The following RGPD8 variants were observed in gnomAD, a reference collection of about 807,000 sequenced individuals.
The protein encoded by RGPD8 is RANBP2-like and GRIP domain-containing protein 8.
RGPD8 carries 15 observed loss-of-function variants against 89.1 expected under a neutral mutation model. That is an observed-to-expected ratio of 0.17 (90% confidence interval 0.11 to 0.26). The LOEUF (loss-of-function observed/expected upper bound fraction) is 0.26. Among genes scored for constraint, RGPD8 ranks in the 10% least tolerant of loss-of-function variants. The pLI is 1.00. For missense variants in RGPD8, 178 were observed against 1,179.6 expected (o/e 0.15, Z 12.44); for synonymous variants, 62 against 420.9 (o/e 0.15, Z 10.44).
chr2:112,382,259 T>C (rs1222593011), intron 20 of RGPD8, among the ~76,000 whole-genome samples: 1 of 152,164 alleles, frequency 6.6e-6, no homozygotes, highest in South Asian at 2.1e-4. Flanking sequence ...CATCCATCCA[T>C]CCCATCCATC....
rs543314007 is a variant in RGPD8, at chr2:112,387,343, T to G, written c.4921+681A>C. The stretch of plus-strand genomic sequence containing the variant: ...AAAATGAGAACATCTCAATATCATG[T>G]TTTTTTTTGTTTTTTGTTTTTTGTT... On this transcript the variant is annotated intron_variant, in intron 20 of 22. Transcript: ENST00000302558. 2.5e-3 allele frequency among the ~76,000 whole-genome samples: 281 copies of G among 111,510 alleles called. 7 individuals are homozygous for G. The East Asian group carries it at 0.043, about 17-fold the overall frequency. 73.2% of individuals were successfully genotyped at this position (111,510 alleles called of 152,430 possible). A position where few individuals can be genotyped will look rare whatever the true frequency, so the allele number is the denominator to read the frequency against.
chr2:112,390,464 A>G (rs1678654124), intron 19 of RGPD8, among the ~76,000 whole-genome samples: 2 of 141,914 alleles, frequency 1.4e-5, no homozygotes, highest in South Asian at 4.7e-4. Context: ...CAAAAACCCT[A>G]TGAATTAAGG....
chr2:112,427,689 C>T (rs1368984678), intron 1 of RGPD8, among the ~76,000 whole-genome samples: 1 of 152,192 alleles, frequency 6.6e-6, no homozygotes, highest in African/African-American at 2.4e-5. Flanking sequence ...CTCACCCTGT[C>T]GCCCATCTTG....
intron 1 of RGPD8, among the ~76,000 whole-genome samples, chr2:112,430,408 G>A (rs1219811385): frequency 6.6e-6 from 1 of 151,948 alleles, no homozygotes; most frequent in Non-Finnish European, 1.5e-5. Flanking sequence ...TCCATATTCC[G>A]CTGAAATCCC....
chr2:112,411,498 G>A (rs1574011233), intron 7 of RGPD8, among the ~76,000 whole-genome samples: 1 of 62,844 alleles, frequency 1.6e-5, no homozygotes, highest in Non-Finnish European at 3.1e-5. Flanking sequence ...GTGAACTCGG[G>A]AGGTGGAGCT....
chr2:112,422,121 A>G lies in RGPD8; in HGVS notation c.253-9T>C, dbSNP rs1274338246. 2.9e-4 allele frequency: 19 copies of G among 65,990 alleles called. No individual in the cohort carries two copies. The South Asian group carries it at 3.8e-3, about 13-fold the overall frequency. The allele number at this position is 65,990 out of a possible 1,614,324, so 4.1% of individuals were successfully genotyped here. On this transcript the variant is annotated splice_polypyrimidine_tract_variant and intron_variant, in intron 3 of 22. Transcript: ENST00000302558. Reference sequence around the variant, plus strand: ...TTTAATTCCACTGAACGCTAATATCAGAAAAGAAATTAAAGATTAGTAAAT... The same window carrying G: ...TTTAATTCCACTGAACGCTAATATCGGAAAAGAAATTAAAGATTAGTAAAT...
chr2:112,425,980 A>G (rs1679753216), intron 1 of RGPD8, among the ~76,000 whole-genome samples: 1 of 152,012 alleles, frequency 6.6e-6, no homozygotes, highest in Admixed American at 6.6e-5. Context: ...AGCACTTATC[A>G]CACACTGTGG....
chr2:112,431,723 G>A (rs1167123553), intron 1 of RGPD8, among the ~76,000 whole-genome samples: 3 of 147,076 alleles, frequency 2.0e-5, no homozygotes, highest in Admixed American at 6.9e-5. Context: ...TAGAACCTCC[G>A]CCTCCCGGGT....
At chr2:112,415,958 T>A (rs1435087921) in intron 6 of RGPD8, among the ~76,000 whole-genome samples, 268 of 151,546 alleles carry the variant, frequency 1.8e-3, no homozygotes, top group Middle Eastern at 0.017. Context: ...GGCGTAGTGG[T>A]GTGTGCCTGT....
At chr2:112,402,493 A>G (rs1184865134) in intron 9 of RGPD8, among the ~76,000 whole-genome samples, 1 of 9,652 alleles carries the variant, frequency 1.0e-4, no homozygotes, top group Non-Finnish European at 2.1e-4. Context: ...CTGTCTCAAA[A>G]ACAAGAAAAG....
At chr2:112,405,420 T>TA (rs1679004644) in intron 8 of RGPD8, among the ~76,000 whole-genome samples, 1 of 7,170 alleles carries the variant, frequency 1.4e-4, no homozygotes, top group African/African-American at 5.4e-4. Context: ...ATCAAAGACA[T>TA]AAAAAAAAGA....
intron 18 of RGPD8, among the ~76,000 whole-genome samples, chr2:112,391,507 C>T (rs1193527775): frequency 8.7e-6 from 1 of 115,590 alleles, no homozygotes; most frequent in Non-Finnish European, 2.0e-5. Flanking sequence ...TAAACTAAAG[C>T]TATTACTGAG....
Position 112,390,493 on chromosome 2 carries a change from T to G in RGPD8, c.2698-246A>C, listed in dbSNP as rs147914136. On this transcript the variant is annotated intron_variant, in intron 19 of 22. Transcript: ENST00000302558. ...ATTAAGGTATTATTATTATCCTCATTTTACATATAAGGCAACTGATGCACT... is the reference window on the plus strand; with the variant it reads ...ATTAAGGTATTATTATTATCCTCATGTTACATATAAGGCAACTGATGCACT... Among the ~76,000 whole-genome samples the G allele has an allele frequency of 2.4e-4, 34 of 144,264 alleles. 1 individual carries two copies. In the East Asian group the frequency reaches 6.0e-3, roughly 25 times the overall value. 94.6% of individuals were successfully genotyped at this position (144,264 alleles called of 152,430 possible). A position where few individuals can be genotyped will look rare whatever the true frequency, so the allele number is the denominator to read the frequency against.
rs1248896374 is a variant in RGPD8 at position 112,433,563 on chromosome 2, G to A, written c.-110C>T. On this transcript the variant is annotated 5_prime_UTR_variant, in exon 1 of 23. Transcript: ENST00000302558. ...AAGCCACTGAAGCAGCGGCGTAGCC[G>A]GCGGAGGCCCACTGTGACGAGCGTG... 4.2e-6 allele frequency: 5 copies of A among 1,181,024 alleles called. No homozygotes were observed. The highest frequency in any genetic ancestry group is 2.7e-5 in the East Asian group (1 of 37,486). The allele number at this position is 1,181,024 out of a possible 1,614,324, so 73.2% of individuals were successfully genotyped here.
At chr2:112,430,970 T>C (rs1237381499) in intron 1 of RGPD8, among the ~76,000 whole-genome samples, 1 of 151,960 alleles carries the variant, frequency 6.6e-6, no homozygotes, top group Non-Finnish European at 1.5e-5. Flanking sequence ...AACAAAATAA[T>C]GGCCGGTGCA....
At chr2:112,379,983 T>C (rs1362673452) in intron 21 of RGPD8, among the ~76,000 whole-genome samples, 1 of 151,982 alleles carries the variant, frequency 6.6e-6, no homozygotes, top group Non-Finnish European at 1.5e-5. Flanking sequence ...GCCTGGGTCA[T>C]AAGAACTCCT....
chr2:112,429,491 G>A (rs1246171393), intron 1 of RGPD8, among the ~76,000 whole-genome samples: 3 of 146,312 alleles, frequency 2.1e-5, no homozygotes, highest in South Asian at 2.1e-4. Context: ...AATAACAAAA[G>A]TATATATGTG....
chr2:112,428,699 ACAAT>A (rs539283848), intron 1 of RGPD8, among the ~76,000 whole-genome samples: 110 of 152,228 alleles, frequency 7.2e-4, no homozygotes, highest in African/African-American at 1.5e-3. Context: ...AGGTAGACAG[ACAAT>A]CAATCAATCA....
chr2:112,428,059 C>T (rs1294678408), intron 1 of RGPD8, among the ~76,000 whole-genome samples: 1 of 152,288 alleles, frequency 6.6e-6, no homozygotes, highest in African/African-American at 2.4e-5. Context: ...ATTGAAAGGA[C>T]ACTTCCAGAA....
Sources: allele counts gnomAD v4.1 joint callset (sites outside exome capture counted in the v4.1 genomes callset), GRCh38; gene constraint gnomAD v4.1.1; transcripts MANE v1.5; gene names NCBI Gene and HGNC (gene_info 2026-07-23, HGNC 2026-07-21).